The following GPHN variants were observed in gnomAD, a reference collection of about 807,000 sequenced individuals.
GPHN encodes the protein gephyrin.
GPHN carries 17 observed loss-of-function variants against 95.5 expected under a neutral mutation model. The ratio of observed to expected loss-of-function variants is 0.18; its 90% CI spans 0.12 to 0.27. GPHN has a LOEUF of 0.27. GPHN is among the 10% of genes least tolerant of loss of function. The probability of loss-of-function intolerance (pLI) is 1.00; values close to 1 mark genes in which losing one functional copy is unlikely to be tolerated. For missense variants in GPHN, 660 were observed against 978.1 expected (o/e 0.67, Z 4.34); for synonymous variants, 320 against 322.5 (o/e 0.99, Z 0.08).
At chr14:66,948,705 A>G (rs895185220) in intron 8 of GPHN, among the ~76,000 whole-genome samples, 2 of 152,238 alleles carry the variant, frequency 1.3e-5, no homozygotes, top group African/African-American at 2.4e-5. Context: ...ATTTCAACAC[A>G]TCAAAACCTA....
the GPHN span, among the ~76,000 whole-genome samples, chr14:67,719,996 A>G: frequency 6.6e-6 from 1 of 152,210 alleles, no homozygotes; most frequent in East Asian, 1.9e-4. Context: ...CAGCTTTACT[A>G]GACATTACAA....
intron 2 of GPHN, among the ~76,000 whole-genome samples, chr14:66,728,352 G>C (rs373486111): frequency 6.6e-6 from 1 of 152,190 alleles, no homozygotes; most frequent in Admixed American, 6.5e-5. Flanking sequence ...GGAGCTGTGA[G>C]AAGAGGATCA....
chr14:67,512,888 C>A, the GPHN span, among the ~76,000 whole-genome samples: 1 of 152,208 alleles, frequency 6.6e-6, no homozygotes, highest in African/African-American at 2.4e-5. Context: ...AAAAACTACA[C>A]TTTTAAAACC....
At chr14:66,843,210 C>T (rs1282752964) in intron 4 of GPHN, among the ~76,000 whole-genome samples, 1 of 152,018 alleles carries the variant, frequency 6.6e-6, no homozygotes, top group Admixed American at 6.6e-5. Flanking sequence ...GTGCTTTGTC[C>T]GTCAGCAAAT....
the GPHN span, among the ~76,000 whole-genome samples, chr14:67,694,666 G>A: frequency 2.6e-5 from 4 of 152,054 alleles, no homozygotes; most frequent in South Asian, 8.3e-4. Flanking sequence ...GAGAAACCAT[G>A]TGTGCCTAGA....
chr14:66,702,977 C>T (rs1018002701), intron 2 of GPHN, among the ~76,000 whole-genome samples: 1 of 152,212 alleles, frequency 6.6e-6, no homozygotes, highest in Non-Finnish European at 1.5e-5. Flanking sequence ...AAAAACACAG[C>T]ATGAGAACTT....
chr14:67,655,891 T>C, the GPHN span, among the ~76,000 whole-genome samples: 491 of 152,284 alleles, frequency 3.2e-3, 16 homozygotes, highest in East Asian at 0.08. Context: ...TTTCCAGTGA[T>C]GTCTAAATCT....
the GPHN span, among the ~76,000 whole-genome samples, chr14:67,577,097 G>A: frequency 2.0e-5 from 3 of 152,120 alleles, no homozygotes; most frequent in Non-Finnish European, 2.9e-5. Context: ...GCCATTCCAC[G>A]AGAAAGGCCA....
At chr14:67,480,082 C>G in the GPHN span, among the ~76,000 whole-genome samples, 1 of 152,162 alleles carries the variant, frequency 6.6e-6, no homozygotes, top group Non-Finnish European at 1.5e-5. Context: ...GTTGTGAGGA[C>G]GAATGAACTC....
At chr14:67,423,637 G>A in the GPHN span, among the ~76,000 whole-genome samples, 7 of 152,228 alleles carry the variant, frequency 4.6e-5, no homozygotes, top group African/African-American at 1.7e-4. Context: ...GCAAACCTTG[G>A]CACAGTCTGG....
At chr14:67,692,154 C>A in the GPHN span, 1 of 320,574 alleles carries the variant, frequency 3.1e-6, no homozygotes, top group Non-Finnish European at 5.8e-6. Flanking sequence ...AGTATTTAGA[C>A]CCCAGACCCT....
rs2062506321 is a variant in GPHN at position 66,605,841 on chromosome 14, A to G, written c.65-75266A>G. Among the ~76,000 whole-genome samples the G allele has an allele frequency of 2.6e-5, 4 of 151,966 alleles. No individual in the cohort carries two copies. The South Asian group carries it at 6.2e-4, about 24-fold the overall frequency. ...GCCACCGCACCTGGCCCCATTTTTT[A>G]AAGGAGTTATTTGTTTTTTGCTTGT... On this transcript the variant is annotated intron_variant, in intron 1 of 22. Transcript: ENST00000478722.
chr14:67,203,206 A>G, the GPHN span: 10 of 1,613,830 alleles, frequency 6.2e-6, no homozygotes, highest in South Asian at 2.2e-5. Flanking sequence ...CTACTGGCCC[A>G]TCTGACACCT....
chr14:67,660,239 G>A, the GPHN span: 1 of 181,264 alleles, frequency 5.5e-6, no homozygotes. Flanking sequence ...AATAAGGTAG[G>A]AAATGCTCCA....
At chr14:66,530,515 A>G (rs772575259) in intron 1 of GPHN, among the ~76,000 whole-genome samples, 3 of 150,980 alleles carry the variant, frequency 2.0e-5, no homozygotes, top group African/African-American at 7.3e-5. Flanking sequence ...CAAAACAAAA[A>G]CCTCCTGCAG....
intron 8 of GPHN, among the ~76,000 whole-genome samples, chr14:66,944,099 A>T (rs188273349): frequency 1.8e-4 from 28 of 152,354 alleles, no homozygotes; most frequent in Middle Eastern, 3.4e-3. Context: ...CCATTTAAAT[A>T]TACCTATAAT....
At chr14:66,717,758 C>T (rs1018218620) in intron 2 of GPHN, among the ~76,000 whole-genome samples, 2 of 152,176 alleles carry the variant, frequency 1.3e-5, no homozygotes, top group Non-Finnish European at 2.9e-5. Context: ...AGCCAAGCTG[C>T]AGTGATGGTT....
the GPHN span, among the ~76,000 whole-genome samples, chr14:67,642,787 CATTTT>C: frequency 2.8e-5 from 2 of 72,080 alleles, no homozygotes; most frequent in African/African-American, 4.8e-5. Flanking sequence ...CATGTTACTA[CATTTT>C]CTTTTTTTTT....
At chr14:67,396,981 C>A in the GPHN span, among the ~76,000 whole-genome samples, 1 of 151,906 alleles carries the variant, frequency 6.6e-6, no homozygotes, top group Admixed American at 6.6e-5. Context: ...TTCTGTCACC[C>A]AGGCTGGAGT....
Sources: allele counts gnomAD v4.1 joint callset (sites outside exome capture counted in the v4.1 genomes callset), GRCh38; gene constraint gnomAD v4.1.1; transcripts MANE v1.5; gene names NCBI Gene and HGNC (gene_info 2026-07-23, HGNC 2026-07-21).